Variants in FBXL20 observed in about 807,000 individuals in gnomAD.
The protein encoded by FBXL20 is F-box/LRR-repeat protein 20.
A neutral mutation model predicts 64.0 loss-of-function variants in FBXL20; 11 were observed. That is an observed-to-expected ratio of 0.17 (90% CI 0.11 to 0.28). The LOEUF (loss-of-function observed/expected upper bound fraction) is 0.28. Among genes scored for constraint, FBXL20 ranks in the 10% least tolerant of loss-of-function variants. FBXL20 has a pLI of 1.00. For synonymous variants in FBXL20, 184 were observed against 189.0 expected (o/e 0.97, Z 0.22); for missense variants, 303 against 526.2 (o/e 0.58, Z 4.15).
At chr17:39,310,046 G>C (rs930587756) in intron 2 of FBXL20, among the ~76,000 whole-genome samples, 1 of 151,306 alleles carries the variant, frequency 6.6e-6, no homozygotes, top group African/African-American at 2.4e-5. Flanking sequence ...TCAGTTACTC[G>C]GGAGGCTGAG....
At chr17:39,333,543 T>C (rs1030647969) in intron 2 of FBXL20, among the ~76,000 whole-genome samples, 1 of 152,194 alleles carries the variant, frequency 6.6e-6, no homozygotes, top group Non-Finnish European at 1.5e-5. Flanking sequence ...AGTGCCGAGA[T>C]TGCAGCCTCT....
At position 39,303,651 on chromosome 17, in the gene FBXL20, A is replaced by G; in HGVS notation, c.105-12T>C. On this transcript the variant is annotated splice_polypyrimidine_tract_variant and intron_variant, in intron 2 of 14. Transcript: ENST00000264658. ...GAAAAGAAAATATCCTAAAAAGAAA[A>G]GAGAGAAAGACAAATTTTATTGTAT... 6.2e-7 allele frequency: 1 copy of G among 1,602,580 alleles called. No homozygotes were observed. Among genetic ancestry groups the G allele is most frequent in the Non-Finnish European group, 8.5e-7 (1 of 1,174,020 alleles).
chr17:39,263,350 A>C (rs1055208835), intron 14 of FBXL20, among the ~76,000 whole-genome samples: 1 of 152,048 alleles, frequency 6.6e-6, no homozygotes, highest in Non-Finnish European at 1.5e-5. Flanking sequence ...TGCCGTCTCT[A>C]CCAAAAATAC....
intron 10 of FBXL20, among the ~76,000 whole-genome samples, chr17:39,274,025 T>A (rs970138196): frequency 6.6e-6 from 1 of 150,676 alleles, no homozygotes; most frequent in African/African-American, 2.4e-5. Flanking sequence ...AAGGCACACA[T>A]CGCCATGCCT....
intron 9 of FBXL20, among the ~76,000 whole-genome samples, chr17:39,280,401 C>G (rs1270080446): frequency 1.0e-5 from 1 of 100,360 alleles, no homozygotes; most frequent in African/African-American, 4.1e-5. Flanking sequence ...GACTCTGTCT[C>G]AAAAAAAAAA....
At chr17:39,348,165 C>A (rs1471888991) in intron 1 of FBXL20, among the ~76,000 whole-genome samples, 2 of 150,356 alleles carry the variant, frequency 1.3e-5, no homozygotes, top group African/African-American at 4.9e-5. Context: ...CACACACATA[C>A]AAAAGATGAT....
At chr17:39,343,112 A>G (rs1349843724) in intron 2 of FBXL20, 68 bp downstream of exon 2, 2 of 1,228,042 alleles carry the variant, frequency 1.6e-6, no homozygotes, top group Admixed American at 2.5e-5. Context: ...GCAAAAAGTT[A>G]AAAAATTTTA....
At chr17:39,363,881 A>ATTT in intron 1 of FBXL20, among the ~76,000 whole-genome samples, 1 of 119,386 alleles carries the variant, frequency 8.4e-6, no homozygotes, top group African/African-American at 3.3e-5. Flanking sequence ...AATGAATCAT[A>ATTT]TCTTTTTTTT....
chr17:39,275,872 A>G (rs1250628836), intron 9 of FBXL20, among the ~76,000 whole-genome samples: 4 of 152,154 alleles, frequency 2.6e-5, no homozygotes, highest in Non-Finnish European at 4.4e-5. Flanking sequence ...TTACTTCTAT[A>G]TTTTAGTTTT....
chr17:39,335,470 C>T (rs2047511345), intron 2 of FBXL20, among the ~76,000 whole-genome samples: 1 of 151,268 alleles, frequency 6.6e-6, no homozygotes, highest in African/African-American at 2.4e-5. Context: ...GTAGTCCTAG[C>T]TACTTGGGAG....
chr17:39,363,822 A>C (rs1474205861), intron 1 of FBXL20, among the ~76,000 whole-genome samples: 3 of 105,164 alleles, frequency 2.9e-5, no homozygotes, highest in African/African-American at 1.0e-4. Context: ...AAAAAAAAAA[A>C]AAAACAAAAA....
chr17:39,384,624 T>C (rs549828479), intron 1 of FBXL20, among the ~76,000 whole-genome samples: 1 of 152,168 alleles, frequency 6.6e-6, no homozygotes, highest in African/African-American at 2.4e-5. Flanking sequence ...AAACTATATG[T>C]CCAGTATAAT....
intron 2 of FBXL20, among the ~76,000 whole-genome samples, chr17:39,308,950 GCCTCCC>G (rs2047207698): frequency 5.3e-5 from 8 of 152,108 alleles, no homozygotes; most frequent in Admixed American, 5.2e-4. Flanking sequence ...TTCTGCCTCA[GCCTCCC>G]AAGTAGCTGA....
At chr17:39,281,761 G>C (rs1443626086) in intron 8 of FBXL20, among the ~76,000 whole-genome samples, 1 of 151,992 alleles carries the variant, frequency 6.6e-6, no homozygotes, top group Non-Finnish European at 1.5e-5. Flanking sequence ...AAATATACCT[G>C]ACAGCATTTT....
In FBXL20 at chr17:39,293,456, C is replaced by T. The variant is rs568319928; in HGVS notation, c.398+3671G>A. ...CAGGCTGGTCTTGAACTCCTGACTT[C>T]AGGTGATCTGCCCACCTCAGCCTCC... On this transcript the variant is annotated intron_variant, in intron 6 of 14. Coordinates refer to ENST00000264658, the MANE Select transcript of FBXL20 (RefSeq NM_032875.3). 2.0e-5 allele frequency among the ~76,000 whole-genome samples: 3 copies of T among 152,236 alleles called. No homozygotes were observed. The East Asian group carries it at 5.8e-4, about 29-fold the overall frequency.
At chr17:39,346,895 A>G (rs933066581) in intron 1 of FBXL20, among the ~76,000 whole-genome samples, 2 of 138,354 alleles carry the variant, frequency 1.4e-5, no homozygotes, top group Admixed American at 8.3e-5. Flanking sequence ...CCCTGTGTCC[A>G]AGTGTTCTCA....
chr17:39,270,947 C>A, intron 10 of FBXL20, 91 bp from the exon 11 acceptor site: 1 of 998,476 alleles, frequency 1.0e-6, no homozygotes. Flanking sequence ...CAAAAACAAT[C>A]TTCTATTCTC....
chr17:39,295,546 C>CA (rs1210123994), intron 6 of FBXL20, among the ~76,000 whole-genome samples: 1 of 152,082 alleles, frequency 6.6e-6, no homozygotes, highest in African/African-American at 2.4e-5. Flanking sequence ...TGAGTCACCG[C>CA]ACTGGGCTGG....
intron 1 of FBXL20, among the ~76,000 whole-genome samples, chr17:39,354,918 T>A (rs2144598795): frequency 6.6e-6 from 1 of 151,692 alleles, no homozygotes; most frequent in East Asian, 1.9e-4. Flanking sequence ...ACATAAAATT[T>A]CTTGGTTTTT....
Sources: allele counts gnomAD v4.1 joint callset (sites outside exome capture counted in the v4.1 genomes callset), GRCh38; gene constraint gnomAD v4.1.1; transcripts MANE v1.5; gene names NCBI Gene and HGNC (gene_info 2026-07-23, HGNC 2026-07-21).